FRMPD4: variants seen among roughly 807,000 people sequenced by gnomAD.
FRMPD4 encodes the protein FERM and PDZ domain containing 4.
Under a neutral mutation model 94.1 loss-of-function variants are expected in FRMPD4, and 22 were observed. The ratio of observed to expected loss-of-function variants is 0.23; its 90% CI spans 0.17 to 0.33. FRMPD4 has a LOEUF of 0.33. Ranked by LOEUF, FRMPD4 falls within the 10% of genes least tolerant of loss-of-function variation. The pLI is 1.00. For missense variants in FRMPD4, 1,111 were observed against 1,339.9 expected (o/e 0.83, Z 2.67); for synonymous variants, 631 against 548.6 (o/e 1.15, Z -2.10).
chrX:12,629,406 A>G (rs12396791), intron 4 of FRMPD4, among the ~76,000 whole-genome samples: 2,664 of 111,763 alleles, frequency 0.024, 83 homozygotes, highest in African/African-American at 0.081. Flanking sequence ...GAAAAGACAT[A>G]GGGGGGTAGA....
intron 4 of FRMPD4, among the ~76,000 whole-genome samples, chrX:12,634,104 A>G (rs1452425367): frequency 1.8e-5 from 2 of 112,527 alleles, no homozygotes; most frequent in African/African-American, 6.4e-5. Context: ...TCACACTTAA[A>G]CAACTAAGGC....
intron 1 of FRMPD4, among the ~76,000 whole-genome samples, chrX:12,256,687 AAAATCCAGT>A (rs1442489031): frequency 8.9e-6 from 1 of 112,152 alleles, no homozygotes; most frequent in Non-Finnish European, 1.9e-5. Context: ...TGGCAAATGC[AAAATCCAGT>A]AAATGGGTGA....
chrX:12,111,408 C>A (rs2055360232), intron 3 of FRMPD4, among the ~76,000 whole-genome samples: 1 of 111,564 alleles, frequency 9.0e-6, no homozygotes, highest in Admixed American at 9.5e-5. Context: ...ACACGTTATA[C>A]AAAAATTAAT....
intron 4 of FRMPD4, among the ~76,000 whole-genome samples, chrX:12,637,050 G>C (rs1282741883): frequency 8.9e-6 from 1 of 112,298 alleles, no homozygotes; most frequent in African/African-American, 3.2e-5. Context: ...ATGCTAGTGT[G>C]CTCATTGATA....
intron 1 of FRMPD4, among the ~76,000 whole-genome samples, chrX:12,167,839 C>A (rs1402347863): frequency 4.5e-5 from 5 of 111,819 alleles, no homozygotes; most frequent in Admixed American, 9.5e-5. Context: ...TTAAAGTAAA[C>A]AAATTATTTG....
At chrX:12,603,161 T>C (rs781011948) in intron 2 of FRMPD4, among the ~76,000 whole-genome samples, 5 of 112,099 alleles carry the variant, frequency 4.5e-5, no homozygotes, top group Non-Finnish European at 9.4e-5. Flanking sequence ...AAAATGTTTA[T>C]ACTCCATAAG....
At chrX:11,914,904 C>T (rs973413968) in intron 3 of FRMPD4, among the ~76,000 whole-genome samples, 1 of 112,298 alleles carries the variant, frequency 8.9e-6, no homozygotes, top group East Asian at 2.8e-4. Context: ...GACATTTTCA[C>T]GTTGAGATTT....
Position 12,361,101 on chromosome X carries a change from G to GA in FRMPD4, c.42-137573dup, listed in dbSNP as rs746358869. Among the ~76,000 whole-genome samples, 7 of 111,668 alleles carry GA rather than the reference G, an allele frequency of 6.3e-5. No individual in the cohort carries two copies. The South Asian group carries it at 2.6e-3, about 42-fold the overall frequency. On this transcript the variant is annotated intron_variant, in intron 1 of 16. Transcript: ENST00000675598. ...TCATTAGAGAAGATGAAATTTCTCT[G>GA]AAAAAACAATGAGTCAATGCAGTGT...
In FRMPD4 at chrX:12,541,859, G is replaced by A. The variant is rs188899006; in HGVS notation, c.158+43063G>A. Among the ~76,000 whole-genome samples, 366 of 111,564 alleles carry A rather than the reference G, an allele frequency of 3.3e-3. 2 individuals carry two copies. Among genetic ancestry groups the A allele is most frequent in the African/African-American group, 0.011 (348 of 30,695 alleles). Reference sequence around the variant, plus strand: ...ATCCTCAATAAAATACTGGCAAACCGAATCCAGCAGCACATCAAAAAGCTT... The same window carrying A: ...ATCCTCAATAAAATACTGGCAAACCAAATCCAGCAGCACATCAAAAAGCTT... On this transcript the variant is annotated intron_variant, in intron 2 of 16. Coordinates refer to ENST00000675598, the MANE Select transcript of FRMPD4 (RefSeq NM_001368397.1).
chrX:12,616,978 T>C (rs781251237), intron 4 of FRMPD4, among the ~76,000 whole-genome samples: 1 of 112,899 alleles, frequency 8.9e-6, no homozygotes, highest in African/African-American at 3.2e-5. Flanking sequence ...GAAAAACCTA[T>C]CTGAAAGTGT....
intron 1 of FRMPD4, among the ~76,000 whole-genome samples, chrX:12,294,626 C>G (rs1601788857): frequency 9.0e-6 from 1 of 111,485 alleles, no homozygotes; most frequent in African/African-American, 3.3e-5. Flanking sequence ...GGTGAATTCT[C>G]TTTCTGGACA....
intron 3 of FRMPD4, among the ~76,000 whole-genome samples, chrX:11,954,097 C>T (rs906003088): frequency 2.7e-5 from 3 of 112,273 alleles, no homozygotes; most frequent in African/African-American, 9.7e-5. Context: ...TATCTAATAA[C>T]ACAATTATCT....
chrX:12,450,627 C>A (rs1208731497), intron 1 of FRMPD4, among the ~76,000 whole-genome samples: 2 of 110,953 alleles, frequency 1.8e-5, no homozygotes, highest in Non-Finnish European at 3.8e-5. Flanking sequence ...GAAACATAGC[C>A]TTTTAACTGC....
At chrX:12,216,323 C>A (rs148545943) in intron 1 of FRMPD4, among the ~76,000 whole-genome samples, 1,242 of 111,615 alleles carry the variant, frequency 0.011, 12 homozygotes, top group Middle Eastern at 0.064. Context: ...CTAGTAGCAT[C>A]CAGACTTCTA....
At chrX:12,411,281 C>T (rs2056729255) in intron 1 of FRMPD4, among the ~76,000 whole-genome samples, 1 of 111,875 alleles carries the variant, frequency 8.9e-6, no homozygotes, top group South Asian at 3.8e-4. Context: ...GTCTTAGGTC[C>T]CGAAAGCATT....
intron 1 of FRMPD4, among the ~76,000 whole-genome samples, chrX:12,143,531 A>T (rs1302360980): frequency 8.9e-6 from 1 of 111,934 alleles, no homozygotes; most frequent in African/African-American, 3.2e-5. Flanking sequence ...TTTACAGAAA[A>T]AGTTAACTGA....
At chrX:11,876,367 T>G (rs1049114822) in intron 2 of FRMPD4, among the ~76,000 whole-genome samples, 1 of 109,584 alleles carries the variant, frequency 9.1e-6, no homozygotes, top group African/African-American at 3.3e-5. Context: ...TTTTTTTTTT[T>G]GCTTGAATCT....
chrX:12,483,371 T>A (rs1223220897), intron 1 of FRMPD4, among the ~76,000 whole-genome samples: 1 of 111,757 alleles, frequency 8.9e-6, no homozygotes, highest in Non-Finnish European at 1.9e-5. Context: ...TAGGTTATAT[T>A]GGGTTGGAGT....
At position 12,339,673 on chromosome X, in the gene FRMPD4, G is replaced by A. The variant is rs1162030066; in HGVS notation, c.42-159007G>A. The stretch of plus-strand genomic sequence containing the variant: ...CCTCTATTGCCCAGGCTGTAGTGCA[G>A]TGGTGCAATTGCGGCTCACTGCAAC... On this transcript the variant is annotated intron_variant, in intron 1 of 16. Coordinates refer to ENST00000675598, the MANE Select transcript of FRMPD4 (RefSeq NM_001368397.1). Among the ~76,000 whole-genome samples, 13 of 108,844 alleles carry A rather than the reference G, an allele frequency of 1.2e-4. No homozygotes were observed. In the Admixed American group the frequency reaches 1.3e-3, roughly 11 times the overall value. The allele number at this position is 108,844 out of a possible 115,157, so 94.5% of individuals were successfully genotyped here. A position where few individuals can be genotyped will look rare whatever the true frequency, so the allele number is the denominator to read the frequency against.
Sources: gnomAD v4.1 joint callset for allele counts (sites outside exome capture counted in the v4.1 genomes callset) on GRCh38, gnomAD v4.1.1 for gene constraint, MANE v1.5 for transcripts, NCBI Gene and HGNC (gene_info 2026-07-23, HGNC 2026-07-21) for gene names.